The following MMP20 variants were observed in gnomAD, a reference collection of about 807,000 sequenced individuals.
MMP20 encodes matrix metallopeptidase 20.
MMP20 carries 50 observed loss-of-function variants against 51.8 expected under a neutral mutation model. The ratio of observed to expected loss-of-function variants is 0.97; its 90% CI spans 0.77 to 1.22. The LOEUF (loss-of-function observed/expected upper bound fraction) is 1.22, where lower values mean the gene tolerates loss of function less well. MMP20 is among the 50% of genes most tolerant of loss of function. The pLI is 0.00. For synonymous variants in MMP20, 244 were observed against 216.2 expected (o/e 1.13, Z -1.13); for missense variants, 663 against 601.4 (o/e 1.10, Z -1.07).
At chr11:102,609,180 G>T in intron 4 of MMP20, 82 bp from the exon 5 acceptor site, 1 of 1,257,194 alleles carries the variant, frequency 8.0e-7, no homozygotes, top group Non-Finnish European at 1.1e-6. Context: ...TATAATTTAT[G>T]CCCACATTAC....
rs1711438 is a variant in MMP20, at chr11:102,594,420, C to G, written c.1090+201G>C. Among the ~76,000 whole-genome samples, 78,095 of 152,000 alleles carry G rather than the reference C, an allele frequency of 0.51. 20,603 individuals carry two copies. Among genetic ancestry groups the G allele is most frequent in the South Asian group, 0.67 (3,244 of 4,828 alleles). ...TTACTAGCCTAACAGGCTTGGTTCT[C>G]AGGGCCACTGCCATCATTTCCATTG... is the stretch of plus-strand genomic sequence containing the variant. On this transcript the variant is annotated intron_variant, in intron 7 of 9. Coordinates refer to ENST00000260228, the MANE Select transcript of MMP20 (RefSeq NM_004771.4).
intron 8 of MMP20, among the ~76,000 whole-genome samples, chr11:102,587,805 A>G (rs1435461771): frequency 2.0e-5 from 3 of 152,068 alleles, no homozygotes; most frequent in African/African-American, 7.2e-5. Flanking sequence ...TATTTTTTCC[A>G]TTCTTTTACT....
chr11:102,581,208 A>T (rs1455813492), intron 8 of MMP20, among the ~76,000 whole-genome samples: 1 of 152,042 alleles, frequency 6.6e-6, no homozygotes, highest in Non-Finnish European at 1.5e-5. Flanking sequence ...CACCTGGCAC[A>T]TGTAGCACCA....
rs1296404672 is a variant in MMP20 at position 102,576,997 on chromosome 11, C to G, written c.*329G>C. ...ACAATATATGTCATGGAATCCACCACTAGTCTTCCTCCTGGAAATAAAAAT... is the reference window on the plus strand; with the variant it reads ...ACAATATATGTCATGGAATCCACCAGTAGTCTTCCTCCTGGAAATAAAAAT... On this transcript the variant is annotated 3_prime_UTR_variant, in exon 10 of 10. Transcript: ENST00000260228. 2 of 303,850 alleles carry G rather than the reference C, an allele frequency of 6.6e-6. No individual in the cohort carries two copies. The highest frequency in any genetic ancestry group is 1.3e-5 in the Non-Finnish European group (2 of 158,774). The allele number at this position is 303,850 out of a possible 1,614,324, so 18.8% of individuals were successfully genotyped here.
intron 6 of MMP20, among the ~76,000 whole-genome samples, chr11:102,602,847 G>A (rs924807816): frequency 2.6e-5 from 4 of 152,172 alleles, no homozygotes; most frequent in South Asian, 2.1e-4. Flanking sequence ...AACATAATAT[G>A]ATAGATGCAA....
intron 1 of MMP20, among the ~76,000 whole-genome samples, chr11:102,624,635 A>G (rs1156786982): frequency 6.6e-6 from 1 of 152,164 alleles, no homozygotes; most frequent in African/African-American, 2.4e-5. Flanking sequence ...ATAAACTTTT[A>G]CTTCATTGGG....
At chr11:102,612,470 A>T (rs963548286) in intron 2 of MMP20, among the ~76,000 whole-genome samples, 7 of 152,184 alleles carry the variant, frequency 4.6e-5, no homozygotes, top group African/African-American at 1.7e-4. Context: ...ACTCAAAAAT[A>T]ATTAAATAAA....
At chr11:102,603,426 C>A (rs1269944042) in intron 6 of MMP20, among the ~76,000 whole-genome samples, 1 of 152,150 alleles carries the variant, frequency 6.6e-6, no homozygotes, top group Non-Finnish European at 1.5e-5. Flanking sequence ...TAGTTAGGGG[C>A]ACGGATTCTG....
chr11:102,577,177 A>G lies in MMP20; in HGVS notation c.*149T>C. ...TTCTGATTATACAACTATGAAAAAAATTGGAAGTATTATTATTCTCAGTGA... is the reference window on the plus strand; with the variant it reads ...TTCTGATTATACAACTATGAAAAAAGTTGGAAGTATTATTATTCTCAGTGA... On this transcript the variant is annotated 3_prime_UTR_variant, in exon 10 of 10. Coordinates refer to ENST00000260228, the MANE Select transcript of MMP20 (RefSeq NM_004771.4). 2 of 642,882 alleles carry G rather than the reference A, an allele frequency of 3.1e-6. No individual in the cohort carries two copies. Among genetic ancestry groups the G allele is most frequent in the Non-Finnish European group, 5.5e-6 (2 of 360,848 alleles). 39.8% of individuals were successfully genotyped at this position (642,882 alleles called of 1,614,324 possible).
chr11:102,609,759 C>T, intron 4 of MMP20, 146 bp downstream of exon 4: 1 of 1,075,558 alleles, frequency 9.3e-7, no homozygotes, highest in East Asian at 2.4e-5. Context: ...CTTATGTGAT[C>T]CCTTTTGGAT....
At chr11:102,580,287 T>G (rs534689014) in intron 8 of MMP20, among the ~76,000 whole-genome samples, 19 of 152,362 alleles carry the variant, frequency 1.2e-4, no homozygotes, top group Non-Finnish European at 1.5e-5. Flanking sequence ...ATTTAAAGTT[T>G]GAGAAAGTCC....
At chr11:102,619,566 TA>T (rs34010805) in intron 1 of MMP20, among the ~76,000 whole-genome samples, 22 of 123,820 alleles carry the variant, frequency 1.8e-4, no homozygotes, top group African/African-American at 2.4e-4. Flanking sequence ...AATGCAGAAT[TA>T]AAAAAAACAA....
At chr11:102,612,243 T>A (rs188228043) in intron 2 of MMP20, among the ~76,000 whole-genome samples, 1 of 152,298 alleles carries the variant, frequency 6.6e-6, no homozygotes, top group African/African-American at 2.4e-5. Flanking sequence ...GGTGGGAGGA[T>A]CACTTGAGGT....
intron 8 of MMP20, among the ~76,000 whole-genome samples, chr11:102,589,739 C>T (rs933556499): frequency 6.6e-6 from 1 of 152,142 alleles, no homozygotes; most frequent in Non-Finnish European, 1.5e-5. Flanking sequence ...CAGGCTGACA[C>T]ATAATATGTC....
rs535059501 is a variant in MMP20 at position 102,610,375 on chromosome 11, CG to C, written c.524-346del. Reference sequence around the variant, plus strand: ...GAACGACTGGGGCGGGGCGGGGCGGCGGGGGGGCGGCATTCGATAGCAAAAC... The same window carrying C: ...GAACGACTGGGGCGGGGCGGGGCGGCGGGGGGCGGCATTCGATAGCAAAAC... On this transcript the variant is annotated intron_variant, in intron 3 of 9. Transcript: ENST00000260228. Among the ~76,000 whole-genome samples the C allele has an allele frequency of 6.1e-4, 84 of 138,280 alleles. 1 individual carries two copies. The East Asian group carries it at 0.019, about 31-fold the overall frequency. 90.7% of individuals were successfully genotyped at this position (138,280 alleles called of 152,430 possible).
intron 4 of MMP20, 34 bp downstream of exon 4, chr11:102,609,871 A>G (rs749588488): frequency 1.2e-6 from 2 of 1,613,732 alleles, no homozygotes; most frequent in South Asian, 2.2e-5. Context: ...AAGGTACAAT[A>G]TTTTCCAGGT....
chr11:102,588,690 T>G (rs530092152), intron 8 of MMP20, among the ~76,000 whole-genome samples: 2 of 152,390 alleles, frequency 1.3e-5, no homozygotes, highest in Non-Finnish European at 1.5e-5. Flanking sequence ...TGATGCTCTC[T>G]GGATTTTTGT....
At position 102,584,112 on chromosome 11, in the gene MMP20, A is replaced by G. The variant is rs144334322; in HGVS notation, c.1248-4970T>C. ...ATATTTGTATACAGCTATTATGTGG[A>G]CTTATGTTTTTACTTCTCTTGGGTA... is the stretch of plus-strand genomic sequence containing the variant. On this transcript the variant is annotated intron_variant, in intron 8 of 9. Coordinates refer to ENST00000260228, the MANE Select transcript of MMP20 (RefSeq NM_004771.4). Among the ~76,000 whole-genome samples, 1,337 of 152,132 alleles carry G rather than the reference A, an allele frequency of 8.8e-3. 11 individuals carry two copies. The highest frequency in any genetic ancestry group is 0.013 in the Non-Finnish European group (900 of 67,982).
At chr11:102,624,167 T>C (rs1859786658) in intron 1 of MMP20, among the ~76,000 whole-genome samples, 2 of 152,118 alleles carry the variant, frequency 1.3e-5, no homozygotes, top group African/African-American at 2.4e-5. Context: ...AGCTCTACGA[T>C]GCAGACAGCC....
Sources: gnomAD v4.1 joint callset for allele counts (sites outside exome capture counted in the v4.1 genomes callset) on GRCh38, gnomAD v4.1.1 for gene constraint, MANE v1.5 for transcripts, NCBI Gene and HGNC (gene_info 2026-07-23, HGNC 2026-07-21) for gene names.